The following CFAP43 variants were observed in gnomAD, a reference collection of about 807,000 sequenced individuals.
CFAP43 encodes the protein cilia and flagella associated protein 43.
CFAP43 carries 155 observed loss-of-function variants against 218.9 expected under a neutral mutation model. That is an observed-to-expected ratio of 0.71 (90% CI 0.62 to 0.81). The LOEUF (loss-of-function observed/expected upper bound fraction) is 0.81, where lower values mean the gene tolerates loss of function less well. CFAP43 is among the 30% of genes least tolerant of loss of function. CFAP43 has a pLI of 0.00. For synonymous variants in CFAP43, 645 were observed against 681.3 expected, an observed-to-expected ratio of 0.95 and a Z score of 0.83; for missense variants, 1,778 against 1,954.3, an observed-to-expected ratio of 0.91 and a Z score of 1.70.
intron 26 of CFAP43, among the ~76,000 whole-genome samples, chr10:104,161,417 T>C (rs1024825999): frequency 2.6e-5 from 4 of 152,114 alleles, no homozygotes; most frequent in Non-Finnish European, 5.9e-5. Flanking sequence ...GTTGGTATCT[T>C]TATAGTGAGA....
At chr10:104,179,954 C>T (rs2089770754) in intron 17 of CFAP43, 22 bp from the exon 18 acceptor site, 11 of 1,587,632 alleles carry the variant, frequency 6.9e-6, no homozygotes, top group Non-Finnish European at 9.5e-6. Flanking sequence ...TAGAAAAAGA[C>T]AGACATGTCT....
chr10:104,160,074 T>A (rs933925267), intron 27 of CFAP43, among the ~76,000 whole-genome samples: 21 of 151,996 alleles, frequency 1.4e-4, no homozygotes, highest in African/African-American at 5.1e-4. Context: ...GAAGGCAGAG[T>A]ATCAGATTTA....
At chr10:104,232,100 C>A (rs1170869383) in intron 1 of CFAP43, 82 bp downstream of exon 1, 2 of 1,490,426 alleles carry the variant, frequency 1.3e-6, no homozygotes, top group Non-Finnish European at 1.8e-6. Context: ...CCTAAGGAAC[C>A]GGAGGGAGAG....
intron 31 of CFAP43, among the ~76,000 whole-genome samples, chr10:104,145,067 C>G (rs1364889419): frequency 6.6e-6 from 1 of 152,162 alleles, no homozygotes; most frequent in Non-Finnish European, 1.5e-5. Context: ...GTATTTTCCC[C>G]AAACTTAGTT....
chr10:104,166,390 A>G lies in CFAP43; in HGVS notation c.3039+98T>C, dbSNP rs1205106583. ...CCCAGCCTCCTCTATGTATTTTTAA[A>G]TCATCATTTGATTGGCATTTGTTTT... On this transcript the variant is annotated intron_variant, in intron 23 of 37. Coordinates refer to ENST00000357060, the MANE Select transcript of CFAP43 (RefSeq NM_025145.7). The G allele has an allele frequency of 3.4e-6, 3 of 871,450 alleles. No individual in the cohort carries two copies. In the East Asian group the frequency reaches 7.9e-5, roughly 23 times the overall value. 54.0% of individuals were successfully genotyped at this position (871,450 alleles called of 1,614,324 possible).
At chr10:104,210,182 G>A (rs2134967081) in intron 5 of CFAP43, among the ~76,000 whole-genome samples, 1 of 152,294 alleles carries the variant, frequency 6.6e-6, no homozygotes, top group South Asian at 2.1e-4. Flanking sequence ...GATCTGCAGT[G>A]GGTTGAATAC....
intron 30 of CFAP43, 34 bp downstream of exon 30, chr10:104,146,229 T>A: frequency 6.5e-7 from 1 of 1,547,268 alleles, no homozygotes; most frequent in Non-Finnish European, 8.9e-7. Flanking sequence ...ACAACTCTAC[T>A]GCATTGTTGA....
At chr10:104,136,889 A>G (rs1367702914) in intron 34 of CFAP43, among the ~76,000 whole-genome samples, 1 of 152,228 alleles carries the variant, frequency 6.6e-6, no homozygotes, top group Non-Finnish European at 1.5e-5. Context: ...ATTAGTCATT[A>G]GAGAAATTTA....
At chr10:104,134,010 C>T (rs2087322586) in intron 34 of CFAP43, among the ~76,000 whole-genome samples, 1 of 152,094 alleles carries the variant, frequency 6.6e-6, no homozygotes, top group Admixed American at 6.5e-5. Flanking sequence ...AATAGCAGAG[C>T]CAATTTACTT....
intron 11 of CFAP43, 178 bp downstream of exon 11, chr10:104,193,688 G>T: frequency 1.3e-6 from 1 of 763,744 alleles, no homozygotes; most frequent in Non-Finnish European, 2.0e-6. Context: ...ACCTGGGTAT[G>T]GGGGGTACTT....
chr10:104,143,817 T>A (rs967532311), intron 31 of CFAP43, among the ~76,000 whole-genome samples, 178 bp from the exon 32 acceptor site: 8 of 152,280 alleles, frequency 5.3e-5, no homozygotes, highest in South Asian at 4.1e-4. Flanking sequence ...TCTTCCATAC[T>A]CTCCAGGTTC....
intron 28 of CFAP43, among the ~76,000 whole-genome samples, chr10:104,151,107 G>T (rs1564726029): frequency 6.6e-6 from 1 of 152,172 alleles, no homozygotes; most frequent in African/African-American, 2.4e-5. Context: ...GTATTCCATG[G>T]TGTATATGTC....
Position 104,212,061 on chromosome 10 carries a change from C to T in CFAP43, c.681G>A (p.Val227=). 2.5e-6 allele frequency: 4 copies of T among 1,613,748 alleles called. No individual in the cohort carries two copies. The highest frequency in any genetic ancestry group is 3.4e-6 in the Non-Finnish European group (4 of 1,179,862). Residue 227 remains valine (V), a synonymous_variant, in exon 5 of 38, where the codon GTG becomes GTA. Coordinates refer to ENST00000357060, the MANE Select transcript of CFAP43 (RefSeq NM_025145.7). Reference sequence around the variant, plus strand: ...GCCCGGCAATGGCTGACAGTGGCAGCACGGGACCATAGATGAGATCTTTCG... The same window carrying T: ...GCCCGGCAATGGCTGACAGTGGCAGTACGGGACCATAGATGAGATCTTTCG... The part of the protein sequence containing the change: ...SLPKDLIYGP[V]LPLSAIAGLV...
intron 34 of CFAP43, among the ~76,000 whole-genome samples, chr10:104,138,407 G>A (rs907369768): frequency 2.0e-5 from 3 of 152,174 alleles, no homozygotes; most frequent in African/African-American, 7.2e-5. Context: ...GTGGCACGGT[G>A]GCTCAGGCTT....
chr10:104,132,271 C>A (rs1222337606), intron 35 of CFAP43, 75 bp from the exon 36 acceptor site: 20 of 1,102,808 alleles, frequency 1.8e-5, no homozygotes, highest in Non-Finnish European at 1.3e-6. Flanking sequence ...GTTGTTTTAG[C>A]TTTGAAAGTT....
intron 16 of CFAP43, 32 bp from the exon 17 acceptor site, chr10:104,182,545 A>G (rs756948261): frequency 1.3e-5 from 20 of 1,541,914 alleles, no homozygotes; most frequent in Non-Finnish European, 1.6e-5. Flanking sequence ...CACAGAGGCT[A>G]TAAAAATCAT....
intron 10 of CFAP43, among the ~76,000 whole-genome samples, chr10:104,196,535 G>A (rs577834443): frequency 2.0e-5 from 3 of 152,186 alleles, no homozygotes; most frequent in Non-Finnish European, 4.4e-5. Context: ...GGCTCCCTGA[G>A]AGACTGTGCA....
chr10:104,157,016 C>T (rs1027890313), intron 27 of CFAP43, among the ~76,000 whole-genome samples: 3 of 152,162 alleles, frequency 2.0e-5, no homozygotes, highest in African/African-American at 7.2e-5. Flanking sequence ...AGAGGTCTCA[C>T]CATCTTAATT....
At chr10:104,178,214 G>A (rs894216237) in intron 19 of CFAP43, among the ~76,000 whole-genome samples, 2 of 152,312 alleles carry the variant, frequency 1.3e-5, no homozygotes, top group African/African-American at 4.8e-5. Flanking sequence ...CAAGAGCAAG[G>A]TGCTTTGACT....
Sources: gnomAD v4.1 joint callset for allele counts (sites outside exome capture counted in the v4.1 genomes callset) on GRCh38, gnomAD v4.1.1 for gene constraint, MANE v1.5 for transcripts, NCBI Gene and HGNC (gene_info 2026-07-23, HGNC 2026-07-21) for gene names.